IRAG2: variants seen among roughly 807,000 people sequenced by gnomAD.
IRAG2 encodes lymphoid restricted membrane protein.
A neutral mutation model predicts 69.9 loss-of-function variants in IRAG2; 45 were observed. The observed-to-expected ratio is 0.64, with a 90% CI of 0.51 to 0.83. IRAG2 has a LOEUF of 0.83. Ranked by LOEUF, IRAG2 falls within the 40% of genes least tolerant of loss-of-function variation. IRAG2 has a pLI of 0.00. For synonymous variants in IRAG2, 193 were observed against 202.4 expected (o/e 0.95, Z 0.40); for missense variants, 520 against 587.0 (o/e 0.89, Z 1.18).
At chr12:25,052,536 G>T (rs891863544), upstream of IRAG2, 3 of 396,998 alleles carry the variant, frequency 7.6e-6, no homozygotes, top group Non-Finnish European at 1.3e-5. Flanking sequence ...AAGAGAGGCG[G>T]TATCAACAGC....
rs563023810 is a variant in IRAG2, at chr12:25,037,318, T to A, written c.1980+632T>A. 4.6e-5 allele frequency among the ~76,000 whole-genome samples: 7 copies of A among 152,308 alleles called. No homozygotes were observed. In the South Asian group the frequency reaches 1.4e-3, roughly 32 times the overall value. Reference sequence around the variant, plus strand: ...CTAATTTTTTTTTGTTTTTGTTTTTTAAAAAGGAATCTCACTGTTGCCCAA... The same window carrying A: ...CTAATTTTTTTTTGTTTTTGTTTTTAAAAAAGGAATCTCACTGTTGCCCAA... On this transcript the variant is annotated intron_variant, in intron 15 of 38. Transcript: ENST00000636465.
chr12:25,038,726 T>C (rs1048895190), intron 16 of IRAG2, among the ~76,000 whole-genome samples: 5 of 152,140 alleles, frequency 3.3e-5, no homozygotes, highest in African/African-American at 1.2e-4. Context: ...AATATAATCT[T>C]TTACCAGAAG....
At chr12:25,081,024 C>G (rs963425775) in intron 9 of IRAG2, among the ~76,000 whole-genome samples, 2 of 152,180 alleles carry the variant, frequency 1.3e-5, no homozygotes, top group African/African-American at 4.8e-5. Flanking sequence ...CCTATACACA[C>G]TATGTTTTTG....
chr12:25,003,331 TA>T (rs1388586603), upstream of IRAG2, among the ~76,000 whole-genome samples: 1 of 152,190 alleles, frequency 6.6e-6, no homozygotes, highest in African/African-American at 2.4e-5. Context: ...CTAGAGTATT[TA>T]AAAAATATCT....
chr12:25,005,612 T>C (rs1233646497), intron 2 of IRAG2, among the ~76,000 whole-genome samples: 1 of 152,196 alleles, frequency 6.6e-6, no homozygotes, highest in African/African-American at 2.4e-5. Context: ...TCAGCTGACT[T>C]ACCATCTTTA....
intron 16 of IRAG2, among the ~76,000 whole-genome samples, chr12:25,041,955 CTGTGTGTG>C (rs59225610): frequency 0.43 from 63,319 of 148,184 alleles, 14,244 homozygotes; most frequent in East Asian, 0.55. Flanking sequence ...TTTGTTTCAG[CTGTGTGTG>C]TGTGTGTGTG....
rs756055011 is a variant in IRAG2, at chr12:25,055,401, T to A, written c.-447+2445T>A. Among the ~76,000 whole-genome samples the A allele has an allele frequency of 2.5e-4, 38 of 152,246 alleles. 1 individual carries two copies. Among genetic ancestry groups the A allele is most frequent in the Non-Finnish European group, 5.4e-4 (37 of 68,036 alleles). On this transcript the variant is annotated intron_variant, in intron 1 of 21. Transcript: ENST00000556887. ...CTTCTGCATCTAAACTTTGTTTATATCCAAGTATCTTGTTAATAGACACAT... is the reference window on the plus strand; with the variant it reads ...CTTCTGCATCTAAACTTTGTTTATAACCAAGTATCTTGTTAATAGACACAT...
At chr12:25,022,218 A>G (rs1944586761) in intron 7 of IRAG2, among the ~76,000 whole-genome samples, 1 of 152,154 alleles carries the variant, frequency 6.6e-6, no homozygotes, top group Admixed American at 6.5e-5. Context: ...TTAAATTGCT[A>G]TTGATTAAAG....
intron 9 of IRAG2, among the ~76,000 whole-genome samples, 161 bp from the exon 10 acceptor site, chr12:25,083,262 A>G (rs1947345606): frequency 6.6e-6 from 1 of 152,148 alleles, no homozygotes; most frequent in African/African-American, 2.4e-5. Context: ...CCTAATTCTG[A>G]GTCAATGGGC....
intron 1 of IRAG2, chr12:25,005,216 A>G: frequency 9.1e-7 from 1 of 1,100,678 alleles, no homozygotes; most frequent in Non-Finnish European, 1.2e-6. Flanking sequence ...AAGCATCAGG[A>G]TTTACAAACT....
chr12:25,088,032 A>C (rs371086335), intron 10 of IRAG2, 68 bp from the exon 11 acceptor site: 93 of 1,161,576 alleles, frequency 8.0e-5, no homozygotes, highest in Admixed American at 1.9e-4. Flanking sequence ...AGAGGACAGG[A>C]AGTAGGAAAA....
chr12:25,019,851 T>C (rs1198616905), intron 6 of IRAG2, among the ~76,000 whole-genome samples: 1 of 152,222 alleles, frequency 6.6e-6, no homozygotes, highest in African/African-American at 2.4e-5. Flanking sequence ...AGCCTAGTGC[T>C]TAGTAGAATA....
chr12:24,999,094 TTA>T, the IRAG2 span, among the ~76,000 whole-genome samples: 5 of 152,192 alleles, frequency 3.3e-5, no homozygotes, highest in African/African-American at 9.6e-5. Flanking sequence ...TAAACACAAA[TTA>T]TGTCATGTTG....
chr12:25,088,071 T>C (rs760744080), intron 10 of IRAG2, 29 bp from the exon 11 acceptor site: 51 of 1,494,490 alleles, frequency 3.4e-5, no homozygotes, highest in Admixed American at 5.0e-5. Flanking sequence ...TTCCACTCTA[T>C]GTACAGTGGT....
At chr12:25,103,011 GA>G (rs1180108872) in intron 17 of IRAG2, 1 of 152,166 alleles carries the variant, frequency 6.6e-6, no homozygotes, top group African/African-American at 2.4e-5. Context: ...TGTATTGGTA[GA>G]AGCATGATTA....
chr12:25,090,267 C>A (rs1378243588), intron 14 of IRAG2, 70 bp downstream of exon 14: 10 of 1,469,390 alleles, frequency 6.8e-6, no homozygotes, highest in Non-Finnish European at 9.3e-6. Flanking sequence ...CCTATAATCC[C>A]TGCACTTTGG....
At chr12:25,022,510 A>C (rs548414353) in intron 7 of IRAG2, among the ~76,000 whole-genome samples, 1 of 152,280 alleles carries the variant, frequency 6.6e-6, no homozygotes, top group Non-Finnish European at 1.5e-5. Flanking sequence ...TAAATAAATA[A>C]AAATAAAGTT....
intron 1 of IRAG2, among the ~76,000 whole-genome samples, chr12:25,055,445 G>A (rs1945175116): frequency 1.3e-5 from 2 of 152,136 alleles, no homozygotes; most frequent in Non-Finnish European, 2.9e-5. Flanking sequence ...TATAATTAGT[G>A]TTTGCTTTAA....
At chr12:25,101,824 A>C in intron 16 of IRAG2, 1 of 439,772 alleles carries the variant, frequency 2.3e-6, no homozygotes. Context: ...ATTTAAAATA[A>C]ACAATATGAA....
Sources: allele counts gnomAD v4.1 joint callset (sites outside exome capture counted in the v4.1 genomes callset), GRCh38; gene constraint gnomAD v4.1.1; transcripts MANE v1.5; gene names NCBI Gene and HGNC (gene_info 2026-07-23, HGNC 2026-07-21).